The following SVOP variants were observed in gnomAD, a reference collection of about 807,000 sequenced individuals.
SVOP encodes the protein SV2 related protein.
Under a neutral mutation model 69.1 loss-of-function variants are expected in SVOP, and 17 were observed. The observed-to-expected ratio is 0.25, with a 90% confidence interval of 0.17 to 0.37. The LOEUF (loss-of-function observed/expected upper bound fraction) is 0.37. Ranked by LOEUF, SVOP falls within the 10% of genes least tolerant of loss-of-function variation. The pLI is 1.00. For missense variants in SVOP, 435 were observed against 597.5 expected (o/e 0.73, Z 2.84); for synonymous variants, 238 against 238.6 (o/e 1.00, Z 0.02).
At chr12:108,944,009 C>G (rs558939463) in intron 7 of SVOP, among the ~76,000 whole-genome samples, 184 of 151,924 alleles carry the variant, frequency 1.2e-3, no homozygotes, top group African/African-American at 4.4e-3. Context: ...AGCCTCCCAA[C>G]TAGCTGGTAT....
chr12:109,020,934 T>A lies in SVOP; in HGVS notation c.-66A>T. 1 of 700,064 alleles carries A rather than the reference T, an allele frequency of 1.4e-6. No homozygotes were observed. The highest frequency in any genetic ancestry group is 1.8e-5 in the African/African-American group (1 of 56,350). 43.4% of individuals were successfully genotyped at this position (700,064 alleles called of 1,614,324 possible). A position where few individuals can be genotyped will look rare whatever the true frequency, so the allele number is the denominator to read the frequency against. ...CATGGTAGTGGTGGATGACGAGCCC[T>A]CCGGTTTTCAGCACCGGGAAGCTGG... On this transcript the variant is annotated 5_prime_UTR_variant, in exon 1 of 16. Coordinates refer to ENST00000610966, the MANE Select transcript of SVOP (RefSeq NM_018711.5).
rs2039914981 is a variant in SVOP, at chr12:108,945,111, G to T, written c.634C>A (p.Leu212Met). ...GCCGCTCTCCTCCTTACCTCAATCA[G>T]CAAAATACATTTAGCTCTGGCTTTC... ...PMKARAKCIL[L>M]IEVFWAIGTV... is the part of the protein sequence containing the mutation. Residue 212 changes from leucine (L) to methionine (M), a missense_variant, in exon 7 of 16, where the codon CTG becomes ATG. Leu to Met is a conservative substitution (Grantham distance 15). Coordinates refer to ENST00000610966, the MANE Select transcript of SVOP (RefSeq NM_018711.5). 6.5e-7 allele frequency: 1 copy of T among 1,536,942 alleles called. No homozygotes were observed. The highest frequency in any genetic ancestry group is 1.2e-5 in the South Asian group (1 of 84,054).
At chr12:108,960,290 C>T (rs745694009) in intron 6 of SVOP, among the ~76,000 whole-genome samples, 1 of 152,128 alleles carries the variant, frequency 6.6e-6, no homozygotes, top group Non-Finnish European at 1.5e-5. Flanking sequence ...GAATTCTGCC[C>T]GTATGCCATA....
chr12:108,937,386 C>G, intron 9 of SVOP, 49 bp from the exon 10 acceptor site: 1 of 1,575,920 alleles, frequency 6.3e-7, no homozygotes, highest in Non-Finnish European at 8.7e-7. Context: ...TACAGATGCA[C>G]GGGAGATGGG....
chr12:108,971,750 T>A (rs1162804963), intron 5 of SVOP, among the ~76,000 whole-genome samples: 2 of 152,116 alleles, frequency 1.3e-5, no homozygotes, highest in Non-Finnish European at 2.9e-5. Flanking sequence ...AGCTCAGTCC[T>A]GCTGGGATTG....
rs2039662512 is a variant in SVOP, at chr12:108,908,741, T to A, written c.*3794A>T. 1 of 152,234 alleles carries A rather than the reference T, an allele frequency of 6.6e-6. No individual in the cohort carries two copies. Among genetic ancestry groups the A allele is most frequent in the East Asian group, 1.9e-4 (1 of 5,192 alleles). 9.4% of individuals were successfully genotyped at this position (152,234 alleles called of 1,614,324 possible). On this transcript the variant is annotated 3_prime_UTR_variant, in exon 16 of 16. Transcript: ENST00000610966. ...TGATGAGAGCTCTGTGGCCTACACATCCACGGCAGGCTCCTTGCAACCATC... is the reference window on the plus strand; with the variant it reads ...TGATGAGAGCTCTGTGGCCTACACAACCACGGCAGGCTCCTTGCAACCATC...
chr12:108,942,205 C>T (rs906465718), intron 7 of SVOP, among the ~76,000 whole-genome samples: 1 of 152,150 alleles, frequency 6.6e-6, no homozygotes, highest in Non-Finnish European at 1.5e-5. Flanking sequence ...AATAATATTC[C>T]AATGAATGTA....
At chr12:108,955,129 A>T (rs1001366777) in intron 6 of SVOP, among the ~76,000 whole-genome samples, 1 of 152,264 alleles carries the variant, frequency 6.6e-6, no homozygotes, top group African/African-American at 2.4e-5. Context: ...CTTGAACAAG[A>T]ATTTCTGTGG....
Position 108,937,314 on chromosome 12 carries a change from G to A in SVOP, c.921C>T (p.Asp307=). ...SRQEDRGKMR[D]LFTPHFRWTT... is the part of the protein sequence containing the mutation. ...TCCATCTAAAATGGGGTGTGAAAAGGTCCCTCATTTTGCCTCGGTCTTCCT... is the reference window on the plus strand; with the variant it reads ...TCCATCTAAAATGGGGTGTGAAAAGATCCCTCATTTTGCCTCGGTCTTCCT... Residue 307 remains aspartate (D), a synonymous_variant, in exon 10 of 16, where the codon GAC becomes GAT. Transcript: ENST00000610966. The A allele has an allele frequency of 6.2e-7, 1 of 1,613,912 alleles. No homozygotes were observed. The highest frequency in any genetic ancestry group is 2.2e-5 in the East Asian group (1 of 44,878).
chr12:108,976,406 T>C (rs550189043), intron 4 of SVOP, among the ~76,000 whole-genome samples: 1 of 152,290 alleles, frequency 6.6e-6, no homozygotes, highest in South Asian at 2.1e-4. Context: ...GGGCAAGGGA[T>C]TAACCTCTCT....
At position 108,922,703 on chromosome 12, in the gene SVOP, G is replaced by C. The variant is rs758373387; in HGVS notation, c.1143C>G (p.Leu381=). The C allele has an allele frequency of 6.2e-7, 1 of 1,609,280 alleles. No homozygotes were observed. Among genetic ancestry groups the C allele is most frequent in the African/African-American group, 1.3e-5 (1 of 74,940 alleles). ...CAGGTCCCTCACCTGGAAACTCAGA[G>C]AGGGTGGTCCACAGCAAGTCCATGT... ...EDYMDLLWTT[L]SEFPGVLVTL... Residue 381 remains leucine, a synonymous_variant, in exon 12 of 16, where the codon CTC becomes CTG. Transcript: ENST00000610966.
chr12:109,003,886 G>A (rs1337160787), intron 1 of SVOP, among the ~76,000 whole-genome samples: 5 of 152,198 alleles, frequency 3.3e-5, no homozygotes, highest in Non-Finnish European at 7.3e-5. Context: ...GGGATTACAG[G>A]CGTGAGCCAC....
At chr12:108,994,867 T>A (rs967562589) in intron 1 of SVOP, among the ~76,000 whole-genome samples, 31 of 152,174 alleles carry the variant, frequency 2.0e-4, no homozygotes, top group Admixed American at 2.0e-3. Flanking sequence ...CCATGCAGGG[T>A]GGCTCATGCC....
intron 15 of SVOP, among the ~76,000 whole-genome samples, chr12:108,914,316 C>T (rs928094269): frequency 2.6e-5 from 4 of 152,086 alleles, no homozygotes; most frequent in African/African-American, 9.7e-5. Context: ...GTGCTGAATG[C>T]CACTGAATTG....
At chr12:109,009,543 G>C (rs2135629709) in intron 1 of SVOP, among the ~76,000 whole-genome samples, 1 of 152,224 alleles carries the variant, frequency 6.6e-6, no homozygotes, top group Middle Eastern at 3.4e-3. Context: ...CTCCCGAGTA[G>C]CTGGGATTAC....
chr12:109,015,859 T>C (rs1213657922), intron 1 of SVOP, among the ~76,000 whole-genome samples: 1 of 152,042 alleles, frequency 6.6e-6, no homozygotes, highest in African/African-American at 2.4e-5. Context: ...ACTCCAAAGT[T>C]TCCGGCCAAA....
At position 108,948,459 on chromosome 12, in the gene SVOP, A is replaced by T. The variant is rs758900825; in HGVS notation, c.579-3293T>A. 7.2e-4 allele frequency among the ~76,000 whole-genome samples: 109 copies of T among 152,204 alleles called. 2 individuals carry two copies. Among genetic ancestry groups the T allele is most frequent in the Non-Finnish European group, 2.2e-4 (15 of 68,038 alleles). ...CACCATTTTCATATCTACATCTATC[A>T]ACAACAGAGAAGTTGTTACTTGACC... On this transcript the variant is annotated intron_variant, in intron 6 of 15. Coordinates refer to ENST00000610966, the MANE Select transcript of SVOP (RefSeq NM_018711.5).
intron 5 of SVOP, among the ~76,000 whole-genome samples, chr12:108,970,546 A>C (rs2040073111): frequency 6.6e-6 from 1 of 152,164 alleles, no homozygotes; most frequent in Non-Finnish European, 1.5e-5. Flanking sequence ...CCTTCCTAAC[A>C]GAATTCTAGG....
In SVOP at chr12:108,988,006, C is replaced by T. The variant is rs577977039; in HGVS notation, c.36-4245G>A. Among the ~76,000 whole-genome samples the T allele has an allele frequency of 6.6e-5, 10 of 152,282 alleles. No individual in the cohort carries two copies. The South Asian group carries it at 2.1e-3, about 32-fold the overall frequency. ...GCGTGATCATGGCCCACTGCAGCCT[C>T]GACCTCCTGGGCTCAGGTGCTCCTC... On this transcript the variant is annotated intron_variant, in intron 1 of 15. Coordinates refer to ENST00000610966, the MANE Select transcript of SVOP (RefSeq NM_018711.5).
Sources: gnomAD v4.1 joint callset for allele counts (sites outside exome capture counted in the v4.1 genomes callset) on GRCh38, gnomAD v4.1.1 for gene constraint, MANE v1.5 for transcripts, NCBI Gene and HGNC (gene_info 2026-07-23, HGNC 2026-07-21) for gene names.